Variants in NCOA6 observed in about 807,000 individuals in gnomAD.
NCOA6 encodes NRC RAP250.
Under a neutral mutation model 171.4 loss-of-function variants are expected in NCOA6, and 49 were observed. The observed-to-expected ratio is 0.29, with a 90% CI of 0.23 to 0.36. NCOA6 has a LOEUF of 0.36. NCOA6 is among the 10% of genes least tolerant of loss of function. NCOA6 has a pLI of 1.00. For missense variants in NCOA6, 2,248 were observed against 2,554.5 expected (o/e 0.88, Z 2.59); for synonymous variants, 910 against 927.5 (o/e 0.98, Z 0.34).
At chr20:34,785,230 G>A (rs2077637836) in intron 2 of NCOA6, among the ~76,000 whole-genome samples, 1 of 152,072 alleles carries the variant, frequency 6.6e-6, no homozygotes, top group Non-Finnish European at 1.5e-5. Context: ...AATTTGAGCA[G>A]AGCACCTTGT....
chr20:34,808,432 T>C (rs1291537032), intron 1 of NCOA6, among the ~76,000 whole-genome samples: 1 of 150,980 alleles, frequency 6.6e-6, no homozygotes, highest in African/African-American at 2.4e-5. Flanking sequence ...CAAACTTGTC[T>C]GTGCTTTTTT....
chr20:34,762,185 G>A (rs1021137816), intron 5 of NCOA6, among the ~76,000 whole-genome samples: 3 of 152,060 alleles, frequency 2.0e-5, no homozygotes, highest in Non-Finnish European at 4.4e-5. Context: ...ACATTATATA[G>A]TGGCCCTATA....
In NCOA6 at chr20:34,734,546, A is replaced by G. The variant is rs150376588; in HGVS notation, c.5963-1951T>C. Among the ~76,000 whole-genome samples, 623 of 152,054 alleles carry G rather than the reference A, an allele frequency of 4.1e-3. 2 individuals carry two copies. Among genetic ancestry groups the G allele is most frequent in the Middle Eastern group, 0.031 (9 of 294 alleles). Reference sequence around the variant, plus strand: ...TTTTTTGTAGAGATGGGGTTTTACTATGTTGCCCAAGGTAGTCTTGAACCC... The same window carrying G: ...TTTTTTGTAGAGATGGGGTTTTACTGTGTTGCCCAAGGTAGTCTTGAACCC... On this transcript the variant is annotated intron_variant, in intron 12 of 14. Transcript: ENST00000359003.
At chr20:34,725,715 AG>A (rs1989885588) in intron 14 of NCOA6, among the ~76,000 whole-genome samples, 1 of 152,138 alleles carries the variant, frequency 6.6e-6, no homozygotes, top group African/African-American at 2.4e-5. Context: ...TGAGGGAGAG[AG>A]GTATCAAGGA....
chr20:34,737,248 G>T (rs2075985599), intron 11 of NCOA6, among the ~76,000 whole-genome samples: 2 of 152,176 alleles, frequency 1.3e-5, no homozygotes, highest in South Asian at 4.1e-4. Flanking sequence ...AAAGTGATGG[G>T]CATAAAGCAG....
intron 5 of NCOA6, among the ~76,000 whole-genome samples, chr20:34,762,888 T>A (rs1388319061): frequency 6.6e-6 from 1 of 152,192 alleles, no homozygotes; most frequent in Non-Finnish European, 1.5e-5. Context: ...TATAGCTATG[T>A]TTAAAATTCT....
chr20:34,763,918 T>G (rs1392689502), intron 5 of NCOA6, among the ~76,000 whole-genome samples: 2 of 152,102 alleles, frequency 1.3e-5, no homozygotes, highest in Admixed American at 6.6e-5. Flanking sequence ...CAAGGCTTTA[T>G]CTTCTATCCC....
At chr20:34,819,424 AT>A (rs956018796) in intron 1 of NCOA6, 75 of 152,346 alleles carry the variant, frequency 4.9e-4, no homozygotes, top group African/African-American at 1.7e-3. Flanking sequence ...CATTAAAAAT[AT>A]TGTGTAAACC....
At chr20:34,727,173 G>T in intron 14 of NCOA6, 86 bp downstream of exon 14, 1 of 1,457,570 alleles carries the variant, frequency 6.9e-7, no homozygotes, top group South Asian at 1.3e-5. Context: ...CAGAAGCAAT[G>T]ATGAAGGACA....
rs1031960178 is a variant in NCOA6, at chr20:34,818,294, C to T, written c.-164+7178G>A. Among the ~76,000 whole-genome samples the T allele has an allele frequency of 3.3e-5, 5 of 152,156 alleles. No homozygotes were observed. In the East Asian group the frequency reaches 9.7e-4, roughly 29 times the overall value. On this transcript the variant is annotated intron_variant, in intron 1 of 14. Coordinates refer to ENST00000359003, the MANE Select transcript of NCOA6 (RefSeq NM_014071.5). The stretch of plus-strand genomic sequence containing the variant: ...ACTTGAGCCCAGGAATTAAAGACTG[C>T]AATGAGTTATAATCACGCCACTGCA...
chr20:34,777,052 G>A (rs1160802693), intron 3 of NCOA6, among the ~76,000 whole-genome samples: 1 of 149,720 alleles, frequency 6.7e-6, no homozygotes, highest in Non-Finnish European at 1.5e-5. Flanking sequence ...GGGAGGCAGA[G>A]GTTGTGGTGA....
chr20:34,825,111 C>G (rs1459923054), intron 1 of NCOA6, among the ~76,000 whole-genome samples: 1 of 152,074 alleles, frequency 6.6e-6, no homozygotes, highest in Non-Finnish European at 1.5e-5. Flanking sequence ...ACCCCACGAC[C>G]GGCTCCCGCC....
chr20:34,776,527 G>T, intron 3 of NCOA6, 79 bp from the exon 4 acceptor site: 1 of 1,498,468 alleles, frequency 6.7e-7, no homozygotes, highest in Non-Finnish European at 9.2e-7. Flanking sequence ...CAAACCAAAA[G>T]AGCAAAAGAA....
chr20:34,717,693 T>C (rs964938087), intron 14 of NCOA6, among the ~76,000 whole-genome samples: 2 of 152,202 alleles, frequency 1.3e-5, no homozygotes, highest in East Asian at 3.8e-4. Flanking sequence ...TTTTAATTCA[T>C]GTAAATTAAA....
At position 34,825,494 on chromosome 20, in the gene NCOA6, C is replaced by G. The variant is rs1464134513; in HGVS notation, c.-186G>C. 1.3e-5 allele frequency: 2 copies of G among 148,326 alleles called. No individual in the cohort carries two copies. Among genetic ancestry groups the G allele is most frequent in the Admixed American group, 6.7e-5 (1 of 14,968 alleles). 9.2% of individuals were successfully genotyped at this position (148,326 alleles called of 1,614,324 possible). A position where few individuals can be genotyped will look rare whatever the true frequency, so the allele number is the denominator to read the frequency against. On this transcript the variant is annotated 5_prime_UTR_variant, in exon 1 of 15. Coordinates refer to ENST00000359003, the MANE Select transcript of NCOA6 (RefSeq NM_014071.5). ...CACCTGAGCGCGGCCCCGGCCCTCCCGGGCGGGCCTTGGAGCGCCGGCCCG... is the reference window on the plus strand; with the variant it reads ...CACCTGAGCGCGGCCCCGGCCCTCCGGGGCGGGCCTTGGAGCGCCGGCCCG...
chr20:34,744,374 C>A (rs939387287), intron 10 of NCOA6, among the ~76,000 whole-genome samples: 4 of 152,074 alleles, frequency 2.6e-5, no homozygotes, highest in African/African-American at 9.7e-5. Flanking sequence ...CCAAGAATAA[C>A]GGTGGTTCTG....
At position 34,792,459 on chromosome 20, in the gene NCOA6, T is replaced by C. The variant is rs2077919125; in HGVS notation, c.-59A>G. 2.5e-6 allele frequency: 1 copy of C among 398,484 alleles called. No individual in the cohort carries two copies. 24.7% of individuals were successfully genotyped at this position (398,484 alleles called of 1,614,324 possible). A position where few individuals can be genotyped will look rare whatever the true frequency, so the allele number is the denominator to read the frequency against. On this transcript the variant is annotated 5_prime_UTR_variant, in exon 2 of 15. Coordinates refer to ENST00000359003, the MANE Select transcript of NCOA6 (RefSeq NM_014071.5). ...ATAAGGTTTCACTCACCAAAATCTC[T>C]TTCTTAATTTTTATCATTTATCCAG...
Position 34,727,342 on chromosome 20 carries a change from T to C in NCOA6, c.6065A>G (p.Glu2022Gly). ...IPGRRNSRTE[E>G]PTVASESVEN... ...CACACTTTCAGAGGCCACAGTTGGCTCTTCAGTTCGGGAGTTTCTTCGGCC... is the reference window on the plus strand; with the variant it reads ...CACACTTTCAGAGGCCACAGTTGGCCCTTCAGTTCGGGAGTTTCTTCGGCC... Residue 2022 changes from glutamate to glycine, a missense_variant, in exon 14 of 15, where the codon GAG (glutamate) becomes GGG (glycine). Physicochemically the swap from Glu to Gly is moderately conservative, Grantham distance 98. Coordinates refer to ENST00000359003, the MANE Select transcript of NCOA6 (RefSeq NM_014071.5). 2 of 1,614,170 alleles carry C rather than the reference T, an allele frequency of 1.2e-6. No homozygotes were observed. Among genetic ancestry groups the C allele is most frequent in the Non-Finnish European group, 1.7e-6 (2 of 1,180,032 alleles).
At chr20:34,750,599 CAGAA>C in intron 8 of NCOA6, 80 bp from the exon 9 acceptor site, 1 of 1,385,644 alleles carries the variant, frequency 7.2e-7, no homozygotes, top group Non-Finnish European at 9.6e-7. Context: ...TTACATTACT[CAGAA>C]AGACATCCAT....
Sources: gnomAD v4.1 joint callset for allele counts (sites outside exome capture counted in the v4.1 genomes callset) on GRCh38, gnomAD v4.1.1 for gene constraint, MANE v1.5 for transcripts, NCBI Gene and HGNC (gene_info 2026-07-23, HGNC 2026-07-21) for gene names.